BCAR3: variants seen among roughly 807,000 people sequenced by gnomAD.
The protein encoded by BCAR3 is BCAR3 adaptor protein, NSP family member, also known as breast cancer anti-estrogen resistance protein 3.
Under a neutral mutation model 80.1 loss-of-function variants are expected in BCAR3, and 37 were observed. The observed-to-expected ratio is 0.46, with a 90% CI of 0.36 to 0.61. The LOEUF (loss-of-function observed/expected upper bound fraction) is 0.61. Among genes scored for constraint, BCAR3 ranks in the 20% least tolerant of loss-of-function variants. The pLI is 0.00. For synonymous variants in BCAR3, 389 were observed against 418.9 expected, an observed-to-expected ratio of 0.93 and a Z score of 0.87; for missense variants, 978 against 1,068.2, an observed-to-expected ratio of 0.92 and a Z score of 1.18.
At chr1:93,728,881 T>C (rs1286450529) in intron 2 of BCAR3, among the ~76,000 whole-genome samples, 1 of 151,698 alleles carries the variant, frequency 6.6e-6, no homozygotes, top group African/African-American at 2.4e-5. Context: ...TCTTGGGAAA[T>C]GCAACATTTG....
chr1:93,710,256 T>C (rs943888943), intron 2 of BCAR3, among the ~76,000 whole-genome samples: 6 of 152,220 alleles, frequency 3.9e-5, no homozygotes, highest in African/African-American at 1.2e-4. Context: ...GAGGGACCAG[T>C]CCTGACCAGT....
chr1:93,568,078 C>A, intron 9 of BCAR3: 1 of 406,578 alleles, frequency 2.5e-6, no homozygotes, highest in East Asian at 5.3e-5. Context: ...CCCAGCTACT[C>A]GGGAGGTTGA....
At position 93,755,773 on chromosome 1, in the gene BCAR3, G is replaced by A. The variant is rs186732166; in HGVS notation, c.-62-49631C>T. On this transcript the variant is annotated intron_variant, in intron 2 of 13. Transcript: ENST00000370244. ...GAAGAGGTATGTGTGTGTTGTACGT[G>A]TGCGTGTGCATGTGTGTGCGTGCAT... Among the ~76,000 whole-genome samples, 12 of 152,314 alleles carry A rather than the reference G, an allele frequency of 7.9e-5. No individual in the cohort carries two copies. The East Asian group carries it at 2.1e-3, about 27-fold the overall frequency.
chr1:93,730,476 G>A (rs974495818), intron 2 of BCAR3, among the ~76,000 whole-genome samples: 14 of 152,220 alleles, frequency 9.2e-5, no homozygotes, highest in Non-Finnish European at 1.6e-4. Context: ...GCAGAGTGCT[G>A]TACATTTGTG....
intron 3 of BCAR3, among the ~76,000 whole-genome samples, chr1:93,619,960 C>T (rs1675259550): frequency 6.6e-6 from 1 of 152,246 alleles, no homozygotes; most frequent in South Asian, 2.1e-4. Flanking sequence ...CCTCCCCAGA[C>T]TTACCAAGTT....
At chr1:93,585,895 T>C (rs189317570) in intron 5 of BCAR3, among the ~76,000 whole-genome samples, 1 of 152,256 alleles carries the variant, frequency 6.6e-6, no homozygotes, top group East Asian at 1.9e-4. Context: ...CACACCACCA[T>C]GCCCAGCTAA....
chr1:93,583,868 G>A (rs1265736981), intron 6 of BCAR3, 150 bp downstream of exon 6: 31 of 709,236 alleles, frequency 4.4e-5, no homozygotes, highest in Middle Eastern at 3.3e-4. Context: ...CTTCGCCGCC[G>A]GATATAATTC....
chr1:93,725,699 C>G (rs536908198), intron 2 of BCAR3, among the ~76,000 whole-genome samples: 1 of 152,210 alleles, frequency 6.6e-6, no homozygotes, highest in East Asian at 1.9e-4. Context: ...TAAAGATATT[C>G]TTCAGTATTC....
intron 3 of BCAR3, among the ~76,000 whole-genome samples, chr1:93,635,057 T>G (rs1000050266): frequency 2.6e-5 from 4 of 151,974 alleles, no homozygotes; most frequent in Admixed American, 6.6e-5. Flanking sequence ...AGACCCCATC[T>G]CTACAAAAAA....
chr1:93,669,940 G>A (rs1259157051), intron 2 of BCAR3, among the ~76,000 whole-genome samples: 2 of 152,174 alleles, frequency 1.3e-5, no homozygotes, highest in Non-Finnish European at 2.9e-5. Context: ...TTGGAGGGAA[G>A]AGTGGGAGGG....
At chr1:93,745,920 A>T (rs1651343018) in intron 2 of BCAR3, among the ~76,000 whole-genome samples, 1 of 152,234 alleles carries the variant, frequency 6.6e-6, no homozygotes, top group Non-Finnish European at 1.5e-5. Flanking sequence ...TACTCTGGGC[A>T]TGTTTCTGGG....
intron 3 of BCAR3, among the ~76,000 whole-genome samples, chr1:93,625,448 C>G (rs545289973): frequency 6.6e-6 from 1 of 152,188 alleles, no homozygotes; most frequent in South Asian, 2.1e-4. Flanking sequence ...CCACACAGAC[C>G]CCTTCAAAAT....
chr1:93,643,908 C>T (rs981752452), intron 2 of BCAR3, among the ~76,000 whole-genome samples: 1 of 152,198 alleles, frequency 6.6e-6, no homozygotes, highest in Non-Finnish European at 1.5e-5. Flanking sequence ...ATCTTGGATA[C>T]ATACTGAGGA....
At chr1:93,573,629 TATTA>T (rs1415824017) in intron 8 of BCAR3, among the ~76,000 whole-genome samples, 21 of 141,568 alleles carry the variant, frequency 1.5e-4, no homozygotes, top group African/African-American at 5.9e-4. Context: ...TTATTATTAT[TATTA>T]TTTTTTTTTT....
chr1:93,764,317 C>T (rs765218942), intron 2 of BCAR3, among the ~76,000 whole-genome samples: 1 of 152,064 alleles, frequency 6.6e-6, no homozygotes, highest in African/African-American at 2.4e-5. Context: ...AGGCCCCTCC[C>T]ATTCAGCCAT....
At chr1:93,568,728 G>T (rs746131440) in intron 9 of BCAR3, among the ~76,000 whole-genome samples, 1 of 152,170 alleles carries the variant, frequency 6.6e-6, no homozygotes, top group Admixed American at 6.5e-5. Context: ...AAAGCATTCA[G>T]TATAAGTACA....
chr1:93,769,386 TG>T (rs1652274830), intron 2 of BCAR3, among the ~76,000 whole-genome samples: 5 of 151,080 alleles, frequency 3.3e-5, no homozygotes, highest in African/African-American at 1.2e-4. Context: ...TGTGTGTGTG[TG>T]TGTGTGTGTG....
intron 2 of BCAR3, among the ~76,000 whole-genome samples, chr1:93,801,509 C>A (rs376760235): frequency 3.3e-5 from 5 of 152,352 alleles, no homozygotes; most frequent in African/African-American, 1.2e-4. Context: ...CTTTTCAAAT[C>A]TTTCAAAGTA....
At chr1:93,836,949 A>G (rs1384592572) in intron 2 of BCAR3, among the ~76,000 whole-genome samples, 1 of 151,914 alleles carries the variant, frequency 6.6e-6, no homozygotes, top group African/African-American at 2.4e-5. Flanking sequence ...TACCCACCCA[A>G]ATCCTATAAA....
Sources: allele counts gnomAD v4.1 joint callset (sites outside exome capture counted in the v4.1 genomes callset), GRCh38; gene constraint gnomAD v4.1.1; transcripts MANE v1.5; gene names NCBI Gene and HGNC (gene_info 2026-07-23, HGNC 2026-07-21).